VCL: variants seen among roughly 807,000 people sequenced by gnomAD.
VCL encodes the protein vinculin.
Under a neutral mutation model 125.7 loss-of-function variants are expected in VCL, and 47 were observed. That is an observed-to-expected ratio of 0.37 (90% CI 0.30 to 0.48). The LOEUF is 0.48. Ranked by LOEUF, VCL falls within the 20% of genes least tolerant of loss-of-function variation. The pLI is 0.99. For synonymous variants in VCL, 458 were observed against 514.6 expected, an observed-to-expected ratio of 0.89 and a Z score of 1.49; for missense variants, 1,069 against 1,455.5, an observed-to-expected ratio of 0.73 and a Z score of 4.32.
At chr10:74,044,142 G>A (rs1445261856) in intron 2 of VCL, among the ~76,000 whole-genome samples, 1 of 151,866 alleles carries the variant, frequency 6.6e-6, no homozygotes, top group Non-Finnish European at 1.5e-5. Flanking sequence ...CATATTTTCA[G>A]TTACATTTTA....
At chr10:74,016,357 T>C (rs1328383749) in intron 1 of VCL, among the ~76,000 whole-genome samples, 1 of 151,916 alleles carries the variant, frequency 6.6e-6, no homozygotes, top group African/African-American at 2.4e-5. Context: ...ATGCCTGTAA[T>C]CCCAGCACTT....
intron 2 of VCL, among the ~76,000 whole-genome samples, chr10:74,069,232 C>G (rs7893217): frequency 0.063 from 9,509 of 151,664 alleles, 1,009 homozygotes; most frequent in African/African-American, 0.22. Context: ...TAGAGACGGG[C>G]TTTCACTATG....
intron 9 of VCL, among the ~76,000 whole-genome samples, 163 bp from the exon 10 acceptor site, chr10:74,089,860 T>G (rs758726434): frequency 6.7e-6 from 1 of 149,166 alleles, no homozygotes; most frequent in Non-Finnish European, 1.5e-5. Flanking sequence ...GATGAGAGAT[T>G]GAGTTTCTTA....
At chr10:74,095,941 A>G in intron 12 of VCL, 86 bp downstream of exon 12, 4 of 1,489,764 alleles carry the variant, frequency 2.7e-6, no homozygotes, top group Non-Finnish European at 3.7e-6. Flanking sequence ...TTTGAAAAAT[A>G]CATAATTTCT....
chr10:74,109,785 AATG>A (rs1295233901), intron 18 of VCL, among the ~76,000 whole-genome samples: 1 of 152,124 alleles, frequency 6.6e-6, no homozygotes, highest in African/African-American at 2.4e-5. Flanking sequence ...TTTTCCCCTA[AATG>A]ATGAAAAGTG....
At chr10:74,027,259 C>T (rs1365801318) in intron 1 of VCL, among the ~76,000 whole-genome samples, 2 of 151,232 alleles carry the variant, frequency 1.3e-5, no homozygotes, top group East Asian at 1.9e-4. Context: ...CAGGTGGTAG[C>T]GTTGACCTAA....
Position 74,095,863 on chromosome 10 carries a change from T to G in VCL, c.1743+8T>G. 1 of 1,612,752 alleles carries G rather than the reference T, an allele frequency of 6.2e-7. No homozygotes were observed. Among genetic ancestry groups the G allele is most frequent in the Non-Finnish European group, 8.5e-7 (1 of 1,179,932 alleles). Reference sequence around the variant, plus strand: ...CTCCAAGACTCCTTAAAGGTAGAAGTCAGGAGCACATATCATTTTACTTTT... The same window carrying G: ...CTCCAAGACTCCTTAAAGGTAGAAGGCAGGAGCACATATCATTTTACTTTT... On this transcript the variant is annotated splice_region_variant and intron_variant, in intron 12 of 21. Coordinates refer to ENST00000211998, the MANE Select transcript of VCL (RefSeq NM_014000.3).
intron 21 of VCL, among the ~76,000 whole-genome samples, chr10:74,115,387 GATAAATAAATAA>G (rs142695515): frequency 1.1e-4 from 16 of 150,292 alleles, no homozygotes; most frequent in African/African-American, 2.5e-4. Context: ...AAAATAAATA[GATAAATAAATAA>G]ATAAATAAAT....
At chr10:74,063,410 C>G (rs931489720) in intron 2 of VCL, among the ~76,000 whole-genome samples, 6 of 152,162 alleles carry the variant, frequency 3.9e-5, no homozygotes, top group Admixed American at 1.3e-4. Context: ...CACATTCTTT[C>G]TGGAAACTCT....
At chr10:74,025,910 C>T (rs1050883624) in intron 1 of VCL, among the ~76,000 whole-genome samples, 4 of 151,896 alleles carry the variant, frequency 2.6e-5, no homozygotes, top group African/African-American at 7.3e-5. Flanking sequence ...AGCTCTCAGC[C>T]CAGAGAGGGA....
chr10:74,022,482 G>A lies in VCL; in HGVS notation c.169-20601G>A, dbSNP rs578188853. ...AATTGCTTGAACCCAGGAGGCAGCA[G>A]TTGCAGTGAGCCAAGATTGCGCCAT... On this transcript the variant is annotated intron_variant, in intron 1 of 21. Coordinates refer to ENST00000211998, the MANE Select transcript of VCL (RefSeq NM_014000.3). Among the ~76,000 whole-genome samples, 752 of 151,924 alleles carry A rather than the reference G, an allele frequency of 4.9e-3. 10 individuals are homozygous for A. Among genetic ancestry groups the A allele is most frequent in the African/African-American group, 0.017 (717 of 41,480 alleles).
At position 74,019,013 on chromosome 10, in the gene VCL, T is replaced by C. The variant is rs1195506405; in HGVS notation, c.168+20638T>C. Among the ~76,000 whole-genome samples, 3 of 152,206 alleles carry C rather than the reference T, an allele frequency of 2.0e-5. No individual in the cohort carries two copies. The East Asian group carries it at 5.8e-4, about 29-fold the overall frequency. Reference sequence around the variant, plus strand: ...TTGCTTGTATCTACAGAACTTTCTCTTCTTTTGACAGTTAAATAATAGTCC... The same window carrying C: ...TTGCTTGTATCTACAGAACTTTCTCCTCTTTTGACAGTTAAATAATAGTCC... On this transcript the variant is annotated intron_variant, in intron 1 of 21. Transcript: ENST00000211998.
Position 74,070,775 on chromosome 10 carries a change from CCT to C in VCL, c.350_351del (p.Ser117TrpfsTer11). 1 of 1,614,074 alleles carries C rather than the reference CCT, an allele frequency of 6.2e-7. No homozygotes were observed. On this transcript the variant is annotated frameshift_variant, in exon 3 of 22. Coordinates refer to ENST00000211998, the MANE Select transcript of VCL (RefSeq NM_014000.3). LOFTEE classifies it high-confidence loss of function. ...DYLIDGSRGI[L>X]SGTSDLLLTF... ...ATCTAATTGATGGGTCAAGGGGCAT[CCT>C]CTCTGGAACATCAGACCTGCTCCTT...
chr10:74,007,259 G>A (rs1445759605), intron 1 of VCL, among the ~76,000 whole-genome samples: 2 of 151,490 alleles, frequency 1.3e-5, no homozygotes, highest in African/African-American at 2.4e-5. Flanking sequence ...GATTACAGAT[G>A]TGAGCCAGTG....
intron 1 of VCL, among the ~76,000 whole-genome samples, chr10:74,013,687 A>G (rs534288203): frequency 6.6e-6 from 1 of 152,196 alleles, no homozygotes; most frequent in Admixed American, 6.5e-5. Flanking sequence ...TTTAATCTCC[A>G]TTTCTCTTGA....
At position 74,114,802 on chromosome 10, in the gene VCL, A is replaced by T; in HGVS notation, c.3161A>T (p.Glu1054Val). Residue 1054 changes from glutamate to valine, a missense_variant, in exon 21 of 22, where the codon GAG (glutamate) becomes GTG (valine). Coordinates refer to ENST00000211998, the MANE Select transcript of VCL (RefSeq NM_014000.3). ...ATTAAACTTTCTCTTTAGGTATGTG[A>T]GCGAATCCCAACCATAAGCACCCAG... The part of the protein sequence containing the change: ...RIRTNLLQVC[E>V]RIPTISTQLK... The T allele has an allele frequency of 6.2e-7, 1 of 1,605,860 alleles. No individual in the cohort carries two copies. Among genetic ancestry groups the T allele is most frequent in the Non-Finnish European group, 8.5e-7 (1 of 1,177,090 alleles).
At chr10:74,066,062 T>TA (rs1491467672) in intron 2 of VCL, among the ~76,000 whole-genome samples, 22,836 of 121,168 alleles carry the variant, frequency 0.19, 1,987 homozygotes, top group Admixed American at 0.22. Flanking sequence ...TATATATATA[T>TA]TTTTTTTTTT....
At chr10:74,085,099 A>G (rs1479509897) in intron 8 of VCL, among the ~76,000 whole-genome samples, 1 of 152,092 alleles carries the variant, frequency 6.6e-6, no homozygotes, top group Non-Finnish European at 1.5e-5. Flanking sequence ...TTGTAGAGAT[A>G]AGGTCTTGCT....
intron 1 of VCL, among the ~76,000 whole-genome samples, chr10:74,035,256 C>CTT (rs1170159869): frequency 1.4e-5 from 2 of 139,864 alleles, no homozygotes; most frequent in Non-Finnish European, 1.6e-5. Context: ...TTTTTTCTTT[C>CTT]TTTTTTTTTT....
Sources: allele counts gnomAD v4.1 joint callset (sites outside exome capture counted in the v4.1 genomes callset), GRCh38; gene constraint gnomAD v4.1.1; transcripts MANE v1.5; gene names NCBI Gene and HGNC (gene_info 2026-07-23, HGNC 2026-07-21).